The following MOV10L1 variants were observed in gnomAD, a reference collection of about 807,000 sequenced individuals.
MOV10L1 encodes Mov10 like RNA helicase 1.
MOV10L1 carries 110 observed loss-of-function variants against 143.8 expected under a neutral mutation model. The ratio of observed to expected loss-of-function variants is 0.76; its 90% CI spans 0.66 to 0.90. The LOEUF is 0.90. Among genes scored for constraint, MOV10L1 ranks in the 40% least tolerant of loss-of-function variants. The pLI is 0.00. For synonymous variants in MOV10L1, 593 were observed against 581.1 expected (o/e 1.02, Z -0.29); for missense variants, 1,406 against 1,526.8 (o/e 0.92, Z 1.32).
chr22:50,113,912 C>CTTTTTTTTTT (rs67071955), intron 6 of MOV10L1, 124 bp downstream of exon 6: 3 of 263,424 alleles, frequency 1.1e-5, no homozygotes, highest in Non-Finnish European at 1.1e-5. Context: ...AAGATCTTTT[C>CTTTTTTTTTT]TTTTTTTTTT....
At chr22:50,128,930 G>A (rs2062593453) in intron 13 of MOV10L1, among the ~76,000 whole-genome samples, 2 of 151,788 alleles carry the variant, frequency 1.3e-5, no homozygotes, top group Admixed American at 6.6e-5. Context: ...GCCTCCCAAA[G>A]TTTTGGGAGT....
intron 8 of MOV10L1, among the ~76,000 whole-genome samples, chr22:50,116,511 G>A (rs2062182102): frequency 6.6e-6 from 1 of 151,614 alleles, no homozygotes; most frequent in African/African-American, 2.4e-5. Flanking sequence ...CCCAGTTAGA[G>A]CCACAGCGAG....
chr22:50,150,041 A>C (rs28478271), intron 20 of MOV10L1, among the ~76,000 whole-genome samples: 1 of 152,086 alleles, frequency 6.6e-6, no homozygotes, highest in Non-Finnish European at 1.5e-5. Flanking sequence ...GTGCTCCTGC[A>C]TCTGACCCAC....
rs758115823 is a variant in MOV10L1 at position 50,091,990 on chromosome 22, A to C, written c.98-11A>C. On this transcript the variant is annotated splice_polypyrimidine_tract_variant and intron_variant, in intron 1 of 26. Coordinates refer to ENST00000262794, the MANE Select transcript of MOV10L1 (RefSeq NM_018995.3). Reference sequence around the variant, plus strand: ...TATGGCCAAGATAACTTCTTTGTTTACCTACCTCAGGTGACACTAAGCTGA... The same window carrying C: ...TATGGCCAAGATAACTTCTTTGTTTCCCTACCTCAGGTGACACTAAGCTGA... 9.3e-6 allele frequency: 15 copies of C among 1,609,056 alleles called. No individual in the cohort carries two copies. The highest frequency in any genetic ancestry group is 1.2e-5 in the Non-Finnish European group (14 of 1,177,438).
rs1243446419 is a variant in MOV10L1 at position 50,152,422 on chromosome 22, T to C, written c.2893-623T>C. On this transcript the variant is annotated intron_variant, in intron 21 of 26. Transcript: ENST00000262794. This position sits in a 1 kb window ranked among gnomAD's most constrained non-coding sequence, Gnocchi z 4.4. ...GTCGCTGGAGACCCTCTCTGGCTGC[T>C]TACACCAGCACCAGGGGAAGAGCAC... 6.6e-6 allele frequency among the ~76,000 whole-genome samples: 1 copy of C among 152,178 alleles called. No individual in the cohort carries two copies. Among genetic ancestry groups the C allele is most frequent in the Non-Finnish European group, 1.5e-5 (1 of 68,012 alleles).
chr22:50,153,884 C>T (rs1245329808), intron 22 of MOV10L1, among the ~76,000 whole-genome samples: 2 of 151,730 alleles, frequency 1.3e-5, no homozygotes, highest in Non-Finnish European at 3.0e-5. Flanking sequence ...GAGGGCTGCA[C>T]CCGGGCCACA....
At chr22:50,090,234 C>A (rs769243128) in intron 1 of MOV10L1, 49 bp downstream of exon 1, 4 of 1,402,628 alleles carry the variant, frequency 2.9e-6, no homozygotes, top group South Asian at 1.6e-5. Flanking sequence ...CCTCGCGTGT[C>A]GGCCACGAGG....
chr22:50,161,452 T>A lies in MOV10L1; in HGVS notation c.*3T>A. 6.3e-7 allele frequency: 1 copy of A among 1,581,388 alleles called. No homozygotes were observed. Among genetic ancestry groups the A allele is most frequent in the Non-Finnish European group, 8.6e-7 (1 of 1,163,494 alleles). ...AGAAGCATCAGGAGCCCAGCTGATCTGCAGTGGCTGACAGCAGGGAGGCCA... is the reference window on the plus strand; with the variant it reads ...AGAAGCATCAGGAGCCCAGCTGATCAGCAGTGGCTGACAGCAGGGAGGCCA... On this transcript the variant is annotated 3_prime_UTR_variant, in exon 27 of 27. Coordinates refer to ENST00000262794, the MANE Select transcript of MOV10L1 (RefSeq NM_018995.3).
At chr22:50,095,527 T>C (rs1444704762) in intron 2 of MOV10L1, 2 of 152,236 alleles carry the variant, frequency 1.3e-5, no homozygotes, top group Non-Finnish European at 2.9e-5. Context: ...ACCCAGAACC[T>C]GTAGAGATGA....
intron 1 of MOV10L1, chr22:50,090,579 GC>G: frequency 6.5e-7 from 1 of 1,537,312 alleles, no homozygotes. Flanking sequence ...AACGCGCTGC[GC>G]CAAGGCGTGC....
intron 22 of MOV10L1, among the ~76,000 whole-genome samples, chr22:50,157,386 T>A (rs979727873): frequency 3.3e-5 from 5 of 152,216 alleles, no homozygotes; most frequent in Non-Finnish European, 7.3e-5. Context: ...GGCTTTGGTG[T>A]CGTATCCAAG....
intron 12 of MOV10L1, among the ~76,000 whole-genome samples, chr22:50,126,973 A>G (rs1384331715): frequency 2.6e-5 from 4 of 152,166 alleles, no homozygotes; most frequent in Non-Finnish European, 5.9e-5. Flanking sequence ...GCTGTGGCTG[A>G]TTTCACAGAG....
chr22:50,120,512 C>T lies in MOV10L1; in HGVS notation c.1465C>T (p.Arg489Ter), dbSNP rs150693045. 6.2e-6 allele frequency: 10 copies of T among 1,609,126 alleles called. No homozygotes were observed. The highest frequency in any genetic ancestry group is 3.4e-5 in the Admixed American group (2 of 59,572). The change falls in exon 10 of 27, where the codon CGA becomes TGA. Residue 489 changes from arginine to a stop codon, truncating the protein, a stop_gained. Transcript: ENST00000262794. LOFTEE classifies it high-confidence loss of function. ...VVTAQKRNSR[R>*]QLPSFLPQYP... ...ACTTAATTTTTTAAGGAACTCAAGA[C>T]GACAACTTCCAAGTTTTCTTCCCCA...
chr22:50,147,684 G>T (rs1429418336), intron 19 of MOV10L1, among the ~76,000 whole-genome samples: 1 of 152,272 alleles, frequency 6.6e-6, no homozygotes, highest in Non-Finnish European at 1.5e-5. Flanking sequence ...ACTTCAAAGG[G>T]CAAAGAAGTA....
chr22:50,115,362 C>T (rs1461652260), intron 8 of MOV10L1, 116 bp downstream of exon 8: 13 of 1,203,870 alleles, frequency 1.1e-5, no homozygotes, highest in Admixed American at 3.2e-5. Flanking sequence ...ACCAGGAGTT[C>T]GAAACCAGCC....
intron 4 of MOV10L1, 110 bp downstream of exon 4, chr22:50,108,358 A>C (rs1569279183): frequency 9.3e-7 from 1 of 1,071,640 alleles, no homozygotes; most frequent in Non-Finnish European, 1.4e-6. Flanking sequence ...GGAAAAATAA[A>C]GCTTTGTCAT....
At chr22:50,115,494 A>G (rs1353026296) in intron 8 of MOV10L1, among the ~76,000 whole-genome samples, 1 of 152,206 alleles carries the variant, frequency 6.6e-6, no homozygotes, top group Non-Finnish European at 1.5e-5. Flanking sequence ...CGGAGGGTGC[A>G]GTGAGCCAAG....
rs770731054 is a variant in MOV10L1 at position 50,108,803 on chromosome 22, C to G, written c.702C>G (p.Cys234Trp). Residue 234 changes from cysteine to tryptophan, a missense_variant, in exon 5 of 27, where the codon TGC becomes TGG. By Grantham distance (215) the Cys-to-Trp change is radical. This residue lies in a region of MOV10L1 where 1,233 missense variants were observed against 1,351.4 expected (regional missense o/e 0.91). Coordinates refer to ENST00000262794, the MANE Select transcript of MOV10L1 (RefSeq NM_018995.3). The part of the protein sequence containing the change: ...NAVVVESSQS[C>W]YVWRALCMTL... ...TGGTGGTGGAGAGCAGCCAGTCATG[C>G]TATGTCTGGAGGGCACTTTGTATGA... 1.9e-6 allele frequency: 3 copies of G among 1,614,154 alleles called. No homozygotes were observed. In the South Asian group the frequency reaches 3.3e-5, roughly 18 times the overall value.
At chr22:50,109,888 C>T (rs13058355) in intron 5 of MOV10L1, among the ~76,000 whole-genome samples, 5 of 151,930 alleles carry the variant, frequency 3.3e-5, no homozygotes, top group African/African-American at 1.2e-4. Context: ...TGGTGGCTCA[C>T]GCCTGTAATC....
Sources: allele counts gnomAD v4.1 joint callset (sites outside exome capture counted in the v4.1 genomes callset), GRCh38; gene constraint gnomAD v4.1.1; regional missense constraint gnomAD v4.1.1; non-coding constraint Gnocchi (gnomAD v3.1); transcripts MANE v1.5; gene names NCBI Gene and HGNC (gene_info 2026-07-23, HGNC 2026-07-21).